The following CHST15 variants were observed in gnomAD, a reference collection of about 807,000 sequenced individuals.
CHST15 encodes carbohydrate sulfotransferase 15, also known as B cell RAG associated protein (GALNAC4S-6ST).
CHST15 carries 30 observed loss-of-function variants against 53.6 expected under a neutral mutation model. The observed-to-expected ratio is 0.56, with a 90% CI of 0.42 to 0.76. The LOEUF is 0.76. Among genes scored for constraint, CHST15 ranks in the 30% least tolerant of loss-of-function variants. CHST15 has a pLI of 0.00. For missense variants in CHST15, 627 were observed against 740.5 expected (o/e 0.85, Z 1.78); for synonymous variants, 296 against 289.8 (o/e 1.02, Z -0.22).
intron 1 of CHST15, among the ~76,000 whole-genome samples, chr10:124,056,776 C>T (rs992457858): frequency 3.3e-5 from 5 of 152,100 alleles, no homozygotes; most frequent in East Asian, 1.9e-4. Flanking sequence ...CCCGTACGAC[C>T]GGACACTCCG....
chr10:124,082,499 C>T (rs1057085675), intron 1 of CHST15, among the ~76,000 whole-genome samples: 5 of 152,082 alleles, frequency 3.3e-5, no homozygotes, highest in African/African-American at 9.7e-5. Context: ...TTTTCTAGGG[C>T]CAGGGAAAGA....
intron 1 of CHST15, among the ~76,000 whole-genome samples, chr10:124,076,710 A>ATT (rs11318249): frequency 5.8e-5 from 8 of 137,782 alleles, no homozygotes; most frequent in Non-Finnish European, 7.8e-5. Flanking sequence ...TAAATTCTTA[A>ATT]TTTTTTTTTT....
intron 1 of CHST15, among the ~76,000 whole-genome samples, chr10:124,084,885 G>A (rs139900577): frequency 1.8e-4 from 28 of 152,220 alleles, no homozygotes; most frequent in East Asian, 1.2e-3. Flanking sequence ...ACAAGATCTC[G>A]GCCAAAACTC....
chr10:124,071,388 C>T (rs1445350243), intron 1 of CHST15, among the ~76,000 whole-genome samples: 1 of 152,188 alleles, frequency 6.6e-6, no homozygotes, highest in African/African-American at 2.4e-5. Flanking sequence ...GTGAGCCAAA[C>T]AAGGGGCCAC....
Position 124,008,439 on chromosome 10 carries a change from T to C in CHST15, c.*1710A>G. On this transcript the variant is annotated 3_prime_UTR_variant, in exon 8 of 8. Transcript: ENST00000435907. ...AGCATCCTTGTGCTCAGGCCAGATT[T>C]CCCTGCTGGCGGCTGCTCCCAGTGC... 1.0e-6 allele frequency: 1 copy of C among 993,118 alleles called. No individual in the cohort carries two copies. The highest frequency in any genetic ancestry group is 1.2e-6 in the Non-Finnish European group (1 of 834,468). 61.5% of individuals were successfully genotyped at this position (993,118 alleles called of 1,614,324 possible).
intron 1 of CHST15, among the ~76,000 whole-genome samples, chr10:124,064,759 A>C (rs1053851303): frequency 6.6e-6 from 1 of 150,966 alleles, no homozygotes; most frequent in Non-Finnish European, 1.5e-5. Context: ...ATTTTCCCCA[A>C]CACCACTGGC....
chr10:124,060,273 T>C (rs1424701665), intron 1 of CHST15, among the ~76,000 whole-genome samples: 1 of 147,802 alleles, frequency 6.8e-6, no homozygotes, highest in African/African-American at 2.5e-5. Context: ...TGCAGAAGTG[T>C]ACCTCCCCCA....
intron 1 of CHST15, among the ~76,000 whole-genome samples, chr10:124,069,136 G>A (rs759666835): frequency 3.9e-5 from 6 of 152,198 alleles, no homozygotes; most frequent in Non-Finnish European, 5.9e-5. Context: ...CCTCCCCAGA[G>A]GCCTCTCCCA....
chr10:124,031,689 CTAA>C (rs780816741), intron 5 of CHST15, among the ~76,000 whole-genome samples: 15 of 151,986 alleles, frequency 9.9e-5, no homozygotes, highest in African/African-American at 3.6e-4. Context: ...TAACTGATAC[CTAA>C]TAATAATAAT....
chr10:124,010,820 G>A (rs1946391476), intron 7 of CHST15: 1 of 985,340 alleles, frequency 1.0e-6, no homozygotes, highest in Admixed American at 6.1e-5. Flanking sequence ...GTTTCACCCT[G>A]TGCGTCTTGC....
chr10:124,093,343 CCCGGCCGCCG>C (rs1287144008), intron 1 of CHST15, 116 bp downstream of exon 1: 1 of 152,354 alleles, frequency 6.6e-6, no homozygotes, highest in Non-Finnish European at 1.5e-5. Context: ...TACGCCCAGC[CCCGGCCGCCG>C]CCGGCGCTGC....
intron 1 of CHST15, among the ~76,000 whole-genome samples, chr10:124,052,902 G>A (rs947820962): frequency 5.3e-5 from 8 of 151,794 alleles, no homozygotes; most frequent in Admixed American, 1.3e-4. Context: ...GATTGGTGGC[G>A]CACACCTGTA....
rs1025570012 is a variant in CHST15, at chr10:124,042,348, T to C, written c.986A>G (p.Gln329Arg). 1 of 1,614,078 alleles carries C rather than the reference T, an allele frequency of 6.2e-7. No individual in the cohort carries two copies. The highest frequency in any genetic ancestry group is 1.3e-5 in the African/African-American group (1 of 74,932). ...LAAHQIHQGLQASSAKEQSKM... is the reference protein window; with the variant it reads ...LAAHQIHQGLRASSAKEQSKM... ...GCTCTGCTCCTTTGCAGAGCTGGCC[T>C]GCAGTCCTTGATGGATCTGGTGTGC... The change falls in exon 4 of 8, where the codon CAG becomes CGG. Residue 329 changes from glutamine to arginine, a missense_variant. Gln to Arg is a conservative substitution (Grantham distance 43). Around this residue, in one of 3 missense-constraint regions of CHST15, gnomAD observed 279 missense variants for 371.6 expected, o/e 0.75. Coordinates refer to ENST00000435907, the MANE Select transcript of CHST15 (RefSeq NM_001270764.2).
chr10:124,054,950 T>C (rs1948326034), intron 1 of CHST15, among the ~76,000 whole-genome samples: 1 of 152,122 alleles, frequency 6.6e-6, no homozygotes, highest in South Asian at 2.1e-4. Flanking sequence ...CTCCAAGCCA[T>C]AGACTCCTCT....
At chr10:124,021,473 C>A in intron 5 of CHST15, 61 bp from the exon 6 acceptor site, 1 of 1,555,146 alleles carries the variant, frequency 6.4e-7, no homozygotes, top group Non-Finnish European at 8.7e-7. Flanking sequence ...ACCATTTGGG[C>A]GACAATGAAA....
chr10:124,011,472 G>C (rs1946415138), intron 7 of CHST15: 2 of 985,352 alleles, frequency 2.0e-6, no homozygotes, highest in South Asian at 9.4e-5. Flanking sequence ...CCCAGTGGCA[G>C]GCAGATATAT....
In CHST15 at chr10:124,012,377, T is replaced by G. The variant is rs576695868; in HGVS notation, c.1451A>C (p.Asn484Thr). The G allele has an allele frequency of 6.2e-7, 1 of 1,614,050 alleles. No individual in the cohort carries two copies. The highest frequency in any genetic ancestry group is 1.7e-5 in the Admixed American group (1 of 60,016). Residue 484 changes from asparagine to threonine, a missense_variant, in exon 7 of 8, where the codon AAC becomes ACC. Physicochemically the swap from Asn to Thr is moderately conservative, Grantham distance 65. This residue lies in a region of CHST15 where 279 missense variants were observed against 371.6 expected (regional missense o/e 0.75). Transcript: ENST00000435907. ...LILRLEDHASNVKYTMHKVFQ... is the reference protein window; with the variant it reads ...LILRLEDHASTVKYTMHKVFQ... ...GACCTTGTGCATGGTGTACTTGACG[T>G]TGGATGCATGATCTTCCAGGCGAAG...
chr10:124,018,396 T>C (rs1388420324), intron 6 of CHST15, among the ~76,000 whole-genome samples: 1 of 152,252 alleles, frequency 6.6e-6, no homozygotes, highest in Non-Finnish European at 1.5e-5. Flanking sequence ...TTATAAATAT[T>C]GGCTGATTAA....
At chr10:124,032,636 T>C (rs572395539) in intron 5 of CHST15, among the ~76,000 whole-genome samples, 1 of 152,162 alleles carries the variant, frequency 6.6e-6, no homozygotes, top group Non-Finnish European at 1.5e-5. Context: ...CTGCTTGCAA[T>C]TGGTGGCTTC....
Sources: allele counts gnomAD v4.1 joint callset (sites outside exome capture counted in the v4.1 genomes callset), GRCh38; gene constraint gnomAD v4.1.1; regional missense constraint gnomAD v4.1.1; transcripts MANE v1.5; gene names NCBI Gene and HGNC (gene_info 2026-07-23, HGNC 2026-07-21).